The following GLIS3 variants were observed in gnomAD, a reference collection of about 807,000 sequenced individuals.
GLIS3 encodes zinc finger protein GLIS3.
Under a neutral mutation model 78.6 loss-of-function variants are expected in GLIS3, and 53 were observed. The observed-to-expected ratio is 0.67, with a 90% confidence interval of 0.54 to 0.85. The LOEUF (loss-of-function observed/expected upper bound fraction) is 0.85. GLIS3 is among the 40% of genes least tolerant of loss of function. The probability of loss-of-function intolerance (pLI) is 0.00; values close to 1 mark genes in which losing one functional copy is unlikely to be tolerated. For missense variants in GLIS3, 1,703 were observed against 1,231.1 expected, an observed-to-expected ratio of 1.38 and a Z score of -5.74; for synonymous variants, 684 against 509.9, an observed-to-expected ratio of 1.34 and a Z score of -4.60.
the GLIS3 span, among the ~76,000 whole-genome samples, chr9:4,398,813 C>T: frequency 6.6e-6 from 1 of 152,162 alleles, no homozygotes; most frequent in Non-Finnish European, 1.5e-5. Flanking sequence ...TTCAGCCTCC[C>T]AAGTAGCTGG....
chr9:4,117,714 GCAAAGCAAGCCGGGCCTT>G, intron 4 of GLIS3, 36 bp downstream of exon 4: 18 of 1,609,478 alleles, frequency 1.1e-5, no homozygotes, highest in Non-Finnish European at 1.5e-5. Context: ...ACACACGTAC[GCAAAGCAAGCCGGGCCTT>G]CAAGAGAGGT....
intron 4 of GLIS3, among the ~76,000 whole-genome samples, chr9:3,989,622 C>A (rs993314906): frequency 4.6e-5 from 7 of 152,078 alleles, no homozygotes; most frequent in Admixed American, 6.5e-5. Flanking sequence ...GAAAAAGCCA[C>A]TCCGAAGAAG....
chr9:4,313,446 C>A (rs1205362317), intron 2 of GLIS3, among the ~76,000 whole-genome samples: 1 of 152,146 alleles, frequency 6.6e-6, no homozygotes, highest in Non-Finnish European at 1.5e-5. Context: ...CTCCTCCCAC[C>A]ACCCAACTTG....
In GLIS3 at chr9:4,095,122, C is replaced by T. The variant is rs138994435; in HGVS notation, c.1710+22646G>A. Among the ~76,000 whole-genome samples, 341 of 152,294 alleles carry T rather than the reference C, an allele frequency of 2.2e-3. 1 individual carries two copies. The highest frequency in any genetic ancestry group is 0.01 in the Middle Eastern group (3 of 292). On this transcript the variant is annotated intron_variant, in intron 4 of 10. Transcript: ENST00000381971. ...CCTGCAGATGAATAAAACACTAGAA[C>T]TTATTCCTCCTATCTAGCTGTAATT...
intron 2 of GLIS3, among the ~76,000 whole-genome samples, chr9:4,226,527 C>A (rs1332470288): frequency 6.6e-6 from 1 of 152,036 alleles, no homozygotes; most frequent in Admixed American, 6.6e-5. Context: ...CCCGACTATG[C>A]CTAAGGGGGA....
Position 4,117,876 on chromosome 9 carries a change from G to C in GLIS3, c.1602C>G (p.Phe534Leu). The C allele has an allele frequency of 6.2e-7, 1 of 1,614,150 alleles. No homozygotes were observed. Among genetic ancestry groups the C allele is most frequent in the Non-Finnish European group, 8.5e-7 (1 of 1,180,032 alleles). The change falls in exon 4 of 11, where the codon TTC (phenylalanine) becomes TTG (leucine). Residue 534 changes from phenylalanine to leucine, a missense_variant. By Grantham distance (22) the Phe-to-Leu change is conservative. Coordinates refer to ENST00000381971, the MANE Select transcript of GLIS3 (RefSeq NM_001042413.2). ...GAGGGCAACCGGCCCAGAAGCAAGTGAAGTCCTCCCCTTTGCGCTGGTCGA... is the reference window on the plus strand; with the variant it reads ...GAGGGCAACCGGCCCAGAAGCAAGTCAAGTCCTCCCCTTTGCGCTGGTCGA... ...VHIDQRKGED[F>L]TCFWAGCPRR...
intron 9 of GLIS3, among the ~76,000 whole-genome samples, chr9:3,837,877 A>G (rs1001936957): frequency 3.3e-5 from 5 of 151,822 alleles, no homozygotes; most frequent in African/African-American, 1.2e-4. Flanking sequence ...TACAAGAGTG[A>G]CCCCTAATAT....
At chr9:4,042,727 T>C (rs1157627290) in intron 4 of GLIS3, among the ~76,000 whole-genome samples, 1 of 151,984 alleles carries the variant, frequency 6.6e-6, no homozygotes, top group Non-Finnish European at 1.5e-5. Context: ...AAACAAAAAC[T>C]GTAGGGAAAT....
intron 2 of GLIS3, among the ~76,000 whole-genome samples, chr9:4,329,196 G>A (rs1413717438): frequency 6.6e-6 from 1 of 152,098 alleles, no homozygotes; most frequent in Non-Finnish European, 1.5e-5. Context: ...AAAGCTCTCT[G>A]AAGCCCATTC....
chr9:4,399,362 G>A, the GLIS3 span, among the ~76,000 whole-genome samples: 2,521 of 152,246 alleles, frequency 0.017, 79 homozygotes, highest in African/African-American at 0.057. Flanking sequence ...CAAGCACTGC[G>A]CTAAGCTCTT....
the GLIS3 span, among the ~76,000 whole-genome samples, chr9:4,463,056 G>C: frequency 1.3e-5 from 2 of 152,198 alleles, no homozygotes. Context: ...CAAAGGCAGA[G>C]AGATAAGTAG....
At chr9:4,215,911 C>T (rs890813311) in intron 2 of GLIS3, among the ~76,000 whole-genome samples, 1 of 152,078 alleles carries the variant, frequency 6.6e-6, no homozygotes, top group Non-Finnish European at 1.5e-5. Context: ...TAGGGAAAGA[C>T]ATTTAAGAAT....
At chr9:4,467,125 G>C in the GLIS3 span, among the ~76,000 whole-genome samples, 1 of 152,230 alleles carries the variant, frequency 6.6e-6, no homozygotes, top group Non-Finnish European at 1.5e-5. Flanking sequence ...GGTAAACAAA[G>C]TGGACAGGAA....
chr9:4,429,503 T>C, the GLIS3 span, among the ~76,000 whole-genome samples: 1 of 152,188 alleles, frequency 6.6e-6, no homozygotes, highest in Non-Finnish European at 1.5e-5. Context: ...TTAGCAATGC[T>C]CTCCACAAGA....
chr9:4,435,671 C>T, the GLIS3 span, among the ~76,000 whole-genome samples: 6 of 152,182 alleles, frequency 3.9e-5, no homozygotes, highest in East Asian at 1.9e-4. Flanking sequence ...TCCCCTAGGC[C>T]AGGCGCGGTG....
intron 6 of GLIS3, among the ~76,000 whole-genome samples, chr9:3,923,192 G>A (rs1043609389): frequency 3.9e-5 from 6 of 152,196 alleles, no homozygotes; most frequent in South Asian, 2.1e-4. Flanking sequence ...TACCTAATTC[G>A]TTTCCCACAT....
At chr9:3,964,632 C>T (rs750297234) in intron 4 of GLIS3, among the ~76,000 whole-genome samples, 4 of 152,172 alleles carry the variant, frequency 2.6e-5, no homozygotes, top group South Asian at 4.1e-4. Flanking sequence ...CTAAATTTGC[C>T]TGTGTCTAGA....
chr9:4,313,487 C>A (rs1031625911), intron 2 of GLIS3, among the ~76,000 whole-genome samples: 1 of 152,188 alleles, frequency 6.6e-6, no homozygotes, highest in Non-Finnish European at 1.5e-5. Flanking sequence ...CAGACCATTT[C>A]TCTAACCTCC....
At chr9:4,383,307 A>G in the GLIS3 span, among the ~76,000 whole-genome samples, 1 of 152,186 alleles carries the variant, frequency 6.6e-6, no homozygotes, top group East Asian at 1.9e-4. Context: ...ACCTTTTACA[A>G]TCTCATTCAT....
Sources: allele counts gnomAD v4.1 joint callset (sites outside exome capture counted in the v4.1 genomes callset), GRCh38; gene constraint gnomAD v4.1.1; transcripts MANE v1.5; gene names NCBI Gene and HGNC (gene_info 2026-07-23, HGNC 2026-07-21).